Variants in PRORP observed in about 807,000 individuals in gnomAD.
PRORP encodes mitochondrial ribonuclease P catalytic subunit.
PRORP carries 51 observed loss-of-function variants against 59.4 expected under a neutral mutation model. That is an observed-to-expected ratio of 0.86 (90% CI 0.69 to 1.08). PRORP has a LOEUF of 1.08. Ranked by LOEUF, PRORP falls within the 50% of genes least tolerant of loss-of-function variation. PRORP has a pLI of 0.00. For synonymous variants in PRORP, 231 were observed against 245.6 expected (o/e 0.94, Z 0.55); for missense variants, 646 against 690.3 (o/e 0.94, Z 0.72).
chr14:35,184,003 A>G (rs943718475), intron 5 of PRORP, among the ~76,000 whole-genome samples: 1 of 152,158 alleles, frequency 6.6e-6, no homozygotes, highest in African/African-American at 2.4e-5. Flanking sequence ...AGTTTTTTCC[A>G]TCTTTGAAGA....
At chr14:35,152,957 G>C (rs2047813133) in intron 4 of PRORP, among the ~76,000 whole-genome samples, 1 of 152,172 alleles carries the variant, frequency 6.6e-6, no homozygotes, top group Non-Finnish European at 1.5e-5. Flanking sequence ...TGGGCGGCCA[G>C]GCAGAGACGC....
chr14:35,159,660 C>T (rs1221199265), intron 4 of PRORP, among the ~76,000 whole-genome samples: 1 of 152,108 alleles, frequency 6.6e-6, no homozygotes, highest in African/African-American at 2.4e-5. Context: ...TTAAATAATC[C>T]AGTGCTTACA....
intron 4 of PRORP, among the ~76,000 whole-genome samples, chr14:35,145,513 A>C (rs2047582267): frequency 7.0e-6 from 1 of 142,860 alleles, no homozygotes; most frequent in Non-Finnish European, 1.5e-5. Context: ...TAAGGTCAAG[A>C]GATCAAGACT....
Position 35,152,172 on chromosome 14 carries a change from A to G in PRORP, c.1167+24561A>G, listed in dbSNP as rs61989506. 7.4e-3 allele frequency among the ~76,000 whole-genome samples: 1,123 copies of G among 152,276 alleles called. 4 individuals are homozygous for G. The highest frequency in any genetic ancestry group is 0.012 in the Non-Finnish European group (783 of 68,016). On this transcript the variant is annotated intron_variant, in intron 4 of 7. Coordinates refer to ENST00000534898, the MANE Select transcript of PRORP (RefSeq NM_014672.4). ...CTGCCTTCAAGCATCTGTTTAACAAAGCACATCTTGCACCGCCCTTAATCC... is the reference window on the plus strand; with the variant it reads ...CTGCCTTCAAGCATCTGTTTAACAAGGCACATCTTGCACCGCCCTTAATCC...
At chr14:35,183,364 A>G (rs1217165753) in intron 5 of PRORP, among the ~76,000 whole-genome samples, 1 of 152,154 alleles carries the variant, frequency 6.6e-6, no homozygotes, top group African/African-American at 2.4e-5. Flanking sequence ...CCATGAGTAT[A>G]TATTACTTAA....
At chr14:35,232,906 C>T (rs1307058609) in intron 5 of PRORP, among the ~76,000 whole-genome samples, 1 of 152,108 alleles carries the variant, frequency 6.6e-6, no homozygotes, top group Admixed American at 6.5e-5. Context: ...GTCTCCTGAC[C>T]TCATGATCTG....
chr14:35,213,647 ATAT>A (rs2049509936), intron 5 of PRORP, among the ~76,000 whole-genome samples: 1 of 152,046 alleles, frequency 6.6e-6, no homozygotes, highest in African/African-American at 2.4e-5. Flanking sequence ...CCTAATTTTG[ATAT>A]TATTATGTCT....
In PRORP at chr14:35,234,200, G is replaced by A. The variant is rs947753326; in HGVS notation, c.1276-32527G>A. Reference sequence around the variant, plus strand: ...TGTTTACTTGCACGTCATTGTAGTTGAAATCAGATGGAAAGGTTTAGAGAT... The same window carrying A: ...TGTTTACTTGCACGTCATTGTAGTTAAAATCAGATGGAAAGGTTTAGAGAT... On this transcript the variant is annotated intron_variant, in intron 5 of 7. Transcript: ENST00000534898. Among the ~76,000 whole-genome samples the A allele has an allele frequency of 3.9e-5, 6 of 152,278 alleles. No individual in the cohort carries two copies. In the East Asian group the frequency reaches 9.6e-4, roughly 24 times the overall value.
At chr14:35,273,199 T>A (rs1420813569) in intron 7 of PRORP, among the ~76,000 whole-genome samples, 1 of 152,182 alleles carries the variant, frequency 6.6e-6, no homozygotes, top group Non-Finnish European at 1.5e-5. Flanking sequence ...ATTACATAAA[T>A]GTAATGCTTC....
intron 5 of PRORP, 92 bp from the exon 6 acceptor site, chr14:35,266,635 C>A: frequency 7.5e-7 from 1 of 1,339,280 alleles, no homozygotes. Flanking sequence ...GAAAAGAGTG[C>A]TTCACCATTG....
At chr14:35,211,796 G>A (rs182797265) in intron 5 of PRORP, among the ~76,000 whole-genome samples, 2 of 152,268 alleles carry the variant, frequency 1.3e-5, no homozygotes, top group African/African-American at 4.8e-5. Context: ...GCTGACAGTT[G>A]GGGTGGCTGT....
intron 3 of PRORP, 109 bp from the exon 4 acceptor site, chr14:35,127,370 G>A: frequency 2.6e-6 from 2 of 772,398 alleles, no homozygotes; most frequent in Non-Finnish European, 3.8e-6. Flanking sequence ...AGGTTTTAAT[G>A]TTCTTTTTTA....
Position 35,253,649 on chromosome 14 carries a change from C to G in PRORP, c.1276-13078C>G, listed in dbSNP as rs550770489. ...ACCAACTGAAATCTCAGTCCTGCCC[C>G]CTCTGGCATCATCAAAATGACTCCC... On this transcript the variant is annotated intron_variant, in intron 5 of 7. Transcript: ENST00000534898. 1.4e-3 allele frequency among the ~76,000 whole-genome samples: 210 copies of G among 152,228 alleles called. 1 individual carries two copies. The highest frequency in any genetic ancestry group is 2.3e-3 in the Non-Finnish European group (156 of 68,026).
intron 5 of PRORP, among the ~76,000 whole-genome samples, chr14:35,213,204 A>G (rs1382340009): frequency 6.6e-6 from 1 of 152,192 alleles, no homozygotes; most frequent in East Asian, 1.9e-4. Context: ...CAAAAACTTC[A>G]TCTCAGCAAT....
intron 5 of PRORP, among the ~76,000 whole-genome samples, chr14:35,237,675 T>G (rs1210560085): frequency 6.6e-6 from 1 of 152,224 alleles, no homozygotes; most frequent in African/African-American, 2.4e-5. Context: ...TATTTTTTAT[T>G]TGAGACAGCG....
intron 4 of PRORP, chr14:35,157,756 C>G (rs1412658217): frequency 6.6e-6 from 1 of 152,520 alleles, no homozygotes. Context: ...CCATTAAGAA[C>G]AACAACAAAA....
intron 4 of PRORP, among the ~76,000 whole-genome samples, chr14:35,143,848 A>G (rs1200036452): frequency 2.1e-5 from 3 of 145,136 alleles, no homozygotes; most frequent in African/African-American, 7.3e-5. Context: ...GGGTTTCTCC[A>G]TGTTGGTCAG....
chr14:35,151,676 A>G (rs62625039), intron 4 of PRORP, among the ~76,000 whole-genome samples: 7,116 of 147,428 alleles, frequency 0.048, 221 homozygotes, highest in Middle Eastern at 0.11. Context: ...ACACACACAC[A>G]CAGAGCTTTT....
intron 5 of PRORP, among the ~76,000 whole-genome samples, chr14:35,183,638 A>T (rs570173475): frequency 6.6e-4 from 100 of 152,290 alleles, no homozygotes; most frequent in Middle Eastern, 3.4e-3. Flanking sequence ...ATTTTTAAAG[A>T]TCTCACTATA....
Sources: allele counts gnomAD v4.1 joint callset (sites outside exome capture counted in the v4.1 genomes callset), GRCh38; gene constraint gnomAD v4.1.1; transcripts MANE v1.5; gene names NCBI Gene and HGNC (gene_info 2026-07-23, HGNC 2026-07-21).